KYNU: variants seen among roughly 807,000 people sequenced by gnomAD.
The protein encoded by KYNU is L-kynurenine hydrolase.
A neutral mutation model predicts 59.2 loss-of-function variants in KYNU; 54 were observed. The observed-to-expected ratio is 0.91, with a 90% CI of 0.73 to 1.14. KYNU has a LOEUF of 1.14. Ranked by LOEUF, KYNU falls within the 50% of genes most tolerant of loss-of-function variation. The probability of loss-of-function intolerance (pLI) is 0.00; values close to 1 mark genes in which losing one functional copy is unlikely to be tolerated. For synonymous variants in KYNU, 177 were observed against 192.0 expected, an observed-to-expected ratio of 0.92 and a Z score of 0.65; for missense variants, 567 against 554.4, an observed-to-expected ratio of 1.02 and a Z score of -0.23.
At chr2:142,895,251 C>A (rs546785118) in intron 2 of KYNU, among the ~76,000 whole-genome samples, 1 of 152,234 alleles carries the variant, frequency 6.6e-6, no homozygotes, top group South Asian at 2.1e-4. Flanking sequence ...AATTTCATAA[C>A]CCCCAAAAGA....
At chr2:143,032,289 C>CAAAAAACAAAAACAAAAAAAAAA (rs1686770991) in intron 11 of KYNU, among the ~76,000 whole-genome samples, 1 of 74,992 alleles carries the variant, frequency 1.3e-5, no homozygotes, top group African/African-American at 3.8e-5. Flanking sequence ...AAAACAAAAA[C>CAAAAAACAAAAACAAAAAAAAAA]AAAAAAAAAA....
At chr2:142,910,119 C>A (rs989135170) in intron 2 of KYNU, among the ~76,000 whole-genome samples, 22 of 128,160 alleles carry the variant, frequency 1.7e-4, no homozygotes, top group African/African-American at 5.9e-4. Context: ...AGTGTCTATT[C>A]ATGTTCTTTG....
At chr2:142,917,612 C>T (rs1682708095) in intron 2 of KYNU, among the ~76,000 whole-genome samples, 1 of 152,088 alleles carries the variant, frequency 6.6e-6, no homozygotes, top group South Asian at 2.1e-4. Flanking sequence ...GACATGATAA[C>T]CTTGAGGATG....
At chr2:142,901,030 G>A (rs1046407187) in intron 2 of KYNU, among the ~76,000 whole-genome samples, 40 of 148,548 alleles carry the variant, frequency 2.7e-4, no homozygotes, top group Admixed American at 2.5e-3. Context: ...TCTGGCCTTG[G>A]CGAAAGAGCG....
At chr2:142,900,462 G>T (rs928885206) in intron 2 of KYNU, among the ~76,000 whole-genome samples, 7 of 152,172 alleles carry the variant, frequency 4.6e-5, no homozygotes, top group African/African-American at 1.2e-4. Context: ...TTTATATCCT[G>T]ATCATTATCC....
At chr2:143,025,632 T>A (rs927300750) in intron 10 of KYNU, among the ~76,000 whole-genome samples, 1 of 151,966 alleles carries the variant, frequency 6.6e-6, no homozygotes, top group African/African-American at 2.4e-5. Context: ...TTAGATAATT[T>A]TTTTTTTAAA....
intron 3 of KYNU, among the ~76,000 whole-genome samples, chr2:142,924,474 G>T (rs778557591): frequency 6.6e-6 from 1 of 152,132 alleles, no homozygotes; most frequent in Non-Finnish European, 1.5e-5. Context: ...AATGAAGGCA[G>T]CCCATGAAAT....
chr2:142,918,842 C>A, intron 3 of KYNU, 113 bp downstream of exon 3: 1 of 1,228,964 alleles, frequency 8.1e-7, no homozygotes, highest in Non-Finnish European at 1.2e-6. Context: ...TACAGTCATC[C>A]CTTGGCATCT....
chr2:142,982,617 G>C (rs1036151685), intron 8 of KYNU, among the ~76,000 whole-genome samples: 3 of 151,994 alleles, frequency 2.0e-5, no homozygotes, highest in Non-Finnish European at 4.4e-5. Context: ...GAGACTCTTA[G>C]GGTACAAAGT....
At chr2:142,985,227 C>A in intron 9 of KYNU, 45 bp downstream of exon 9, 1 of 1,192,406 alleles carries the variant, frequency 8.4e-7, no homozygotes, top group Non-Finnish European at 1.3e-6. Context: ...TTCACATTGA[C>A]TTTAATCTGA....
At chr2:142,970,936 G>A (rs564935838) in intron 8 of KYNU, among the ~76,000 whole-genome samples, 29 of 152,214 alleles carry the variant, frequency 1.9e-4, no homozygotes, top group East Asian at 1.4e-3. Flanking sequence ...ATTCCCACAA[G>A]TGAAGATTCT....
rs1284163539 is a variant in KYNU at position 143,043,832 on chromosome 2, G to A, written c.*1660G>A. 6.9e-6 allele frequency: 1 copy of A among 144,464 alleles called. No individual in the cohort carries two copies. Among genetic ancestry groups the A allele is most frequent in the Non-Finnish European group, 1.5e-5 (1 of 66,450 alleles). 8.9% of individuals were successfully genotyped at this position (144,464 alleles called of 1,614,324 possible). On this transcript the variant is annotated 3_prime_UTR_variant, in exon 14 of 14. Coordinates refer to ENST00000264170, the MANE Select transcript of KYNU (RefSeq NM_003937.3). ...ATATATAAAGTATAATATATATAAA[G>A]TATAAATATATATATATTTATACTT...
chr2:143,041,664 C>T (rs1179187568), intron 13 of KYNU, among the ~76,000 whole-genome samples: 9 of 151,774 alleles, frequency 5.9e-5, no homozygotes, highest in Non-Finnish European at 8.8e-5. Flanking sequence ...GGATAATTTA[C>T]TAAAACTCTC....
chr2:142,888,827 A>G (rs920405404), intron 2 of KYNU, among the ~76,000 whole-genome samples: 1 of 149,958 alleles, frequency 6.7e-6, no homozygotes, highest in Non-Finnish European at 1.5e-5. Flanking sequence ...GGTTCAGAGA[A>G]CCAAAGAGCA....
intron 10 of KYNU, among the ~76,000 whole-genome samples, chr2:142,998,373 T>C (rs1264245416): frequency 2.0e-5 from 3 of 152,230 alleles, no homozygotes; most frequent in Non-Finnish European, 4.4e-5. Context: ...TACGATTGCA[T>C]TTCTTTTGTG....
At chr2:143,017,177 G>A (rs1385447233) in intron 10 of KYNU, among the ~76,000 whole-genome samples, 1 of 151,912 alleles carries the variant, frequency 6.6e-6, no homozygotes, top group South Asian at 2.1e-4. Flanking sequence ...CTGATTCCAT[G>A]TCTGTGCTAT....
intron 2 of KYNU, among the ~76,000 whole-genome samples, chr2:142,890,403 C>A (rs995344698): frequency 3.3e-5 from 5 of 152,090 alleles, no homozygotes; most frequent in African/African-American, 1.2e-4. Context: ...ATCCCAGAAA[C>A]AAGTTGTGCA....
chr2:142,927,697 T>A lies in KYNU; in HGVS notation c.329T>A (p.Ile110Asn). The A allele has an allele frequency of 6.2e-7, 1 of 1,613,394 alleles. No homozygotes were observed. The highest frequency in any genetic ancestry group is 1.3e-5 in the African/African-American group (1 of 75,024). Reference sequence around the variant, plus strand: ...CATGAAGTGGGGAAGCGTCCTTGGATTACAGGAGATGAGAGTATTGTAGGC... The same window carrying A: ...CATGAAGTGGGGAAGCGTCCTTGGAATACAGGAGATGAGAGTATTGTAGGC... Reference protein sequence around the residue: ...YGHEVGKRPWITGDESIVGLM... With the variant: ...YGHEVGKRPWNTGDESIVGLM... The change falls in exon 4 of 14, where the codon ATT becomes AAT. Residue 110 changes from isoleucine (I) to asparagine (N), a missense_variant. Transcript: ENST00000264170.
At chr2:142,892,715 T>C (rs1681753762) in intron 2 of KYNU, among the ~76,000 whole-genome samples, 1 of 152,226 alleles carries the variant, frequency 6.6e-6, no homozygotes, top group Non-Finnish European at 1.5e-5. Context: ...AGCCATAATT[T>C]CTGTTTTAGG....
Sources: gnomAD v4.1 joint callset for allele counts (sites outside exome capture counted in the v4.1 genomes callset) on GRCh38, gnomAD v4.1.1 for gene constraint, MANE v1.5 for transcripts, NCBI Gene and HGNC (gene_info 2026-07-23, HGNC 2026-07-21) for gene names.